The following PRDM5 variants were observed in gnomAD, a reference collection of about 807,000 sequenced individuals.
PRDM5 encodes the protein PR/SET domain 5, also known as PR domain zinc finger protein 5.
A neutral mutation model predicts 81.2 loss-of-function variants in PRDM5; 56 were observed. The ratio of observed to expected loss-of-function variants is 0.69; its 90% CI spans 0.56 to 0.86. PRDM5 has a LOEUF of 0.86. PRDM5 is among the 40% of genes least tolerant of loss of function. The pLI, the probability that PRDM5 is intolerant of heterozygous loss-of-function variation, is 0.00. For missense variants in PRDM5, 697 were observed against 770.1 expected (o/e 0.91, Z 1.12); for synonymous variants, 267 against 256.4 (o/e 1.04, Z -0.39).
chr4:120,685,082 T>G (rs1216893625), intron 1 of PRDM5: 1 of 152,112 alleles, frequency 6.6e-6, no homozygotes, highest in Non-Finnish European at 1.5e-5. Flanking sequence ...TAATTTGTGG[T>G]TTTTGATGTA....
rs1156839029 is a variant in PRDM5 at position 120,732,709 on chromosome 4, AT to A, written c.1623+21843del. On this transcript the variant is annotated intron_variant, in intron 14 of 15. Transcript: ENST00000264808. ...CTCCTGCTCTCTAACCTAACCTGTT[AT>A]TCAGTTTCCCTTTAATTTCATGACC... is the stretch of plus-strand genomic sequence containing the variant. 3.0e-4 allele frequency among the ~76,000 whole-genome samples: 45 copies of A among 152,362 alleles called. No homozygotes were observed. In the East Asian group the frequency reaches 5.6e-3, roughly 19 times the overall value.
chr4:120,707,626 G>T (rs1278752409), intron 15 of PRDM5, among the ~76,000 whole-genome samples: 2 of 151,028 alleles, frequency 1.3e-5, no homozygotes, highest in Admixed American at 1.3e-4. Context: ...ATTTGGCAAT[G>T]AATTCTTAGA....
chr4:120,871,568 T>G (rs981824315), intron 2 of PRDM5, among the ~76,000 whole-genome samples: 3 of 152,200 alleles, frequency 2.0e-5, no homozygotes, highest in Non-Finnish European at 2.9e-5. Context: ...CTAACCAAAA[T>G]GTCCGTATAA....
chr4:120,872,464 C>T (rs1214802252), intron 2 of PRDM5, among the ~76,000 whole-genome samples: 1 of 152,114 alleles, frequency 6.6e-6, no homozygotes, highest in Non-Finnish European at 1.5e-5. Flanking sequence ...AGGACAAATG[C>T]TGTATGATTA....
At chr4:120,847,775 A>G (rs533257871) in intron 3 of PRDM5, among the ~76,000 whole-genome samples, 11 of 152,332 alleles carry the variant, frequency 7.2e-5, no homozygotes, top group African/African-American at 2.6e-4. Context: ...ATACTCTAAT[A>G]AACGTGACTG....
chr4:120,754,522 T>A, intron 14 of PRDM5, 31 bp downstream of exon 14: 5 of 1,426,092 alleles, frequency 3.5e-6, no homozygotes, highest in Non-Finnish European at 4.9e-6. Context: ...GTTTTCATGA[T>A]CAATATTAAT....
chr4:120,734,605 G>C (rs1191576167), intron 14 of PRDM5, among the ~76,000 whole-genome samples: 1 of 152,164 alleles, frequency 6.6e-6, no homozygotes, highest in Non-Finnish European at 1.5e-5. Context: ...CAGAAATGCT[G>C]AAACGCTTCC....
At chr4:120,746,430 A>C (rs201125638) in intron 14 of PRDM5, among the ~76,000 whole-genome samples, 6,074 of 145,734 alleles carry the variant, frequency 0.042, 208 homozygotes, top group Middle Eastern at 0.14. Context: ...AAAATGGACA[A>C]ATGGGATCTA....
At chr4:120,749,421 G>C (rs1743635041) in intron 14 of PRDM5, among the ~76,000 whole-genome samples, 1 of 152,140 alleles carries the variant, frequency 6.6e-6, no homozygotes, top group Admixed American at 6.6e-5. Context: ...AAGATTAGAG[G>C]CAGGGCAGGA....
intron 15 of PRDM5, among the ~76,000 whole-genome samples, 164 bp downstream of exon 15, chr4:120,710,145 T>C (rs762248045): frequency 6.6e-6 from 1 of 152,122 alleles, no homozygotes; most frequent in African/African-American, 2.4e-5. Context: ...ACATGTATTA[T>C]GCAAGAACAA....
At chr4:120,820,395 G>T (rs1755105250) in intron 4 of PRDM5, among the ~76,000 whole-genome samples, 1 of 152,168 alleles carries the variant, frequency 6.6e-6, no homozygotes, top group Non-Finnish European at 1.5e-5. Flanking sequence ...AAAGTATTTT[G>T]TTATAACAGC....
At chr4:120,799,791 T>C (rs1331147226) in intron 8 of PRDM5, 46 bp from the exon 9 acceptor site, 1 of 1,595,272 alleles carries the variant, frequency 6.3e-7, no homozygotes, top group Admixed American at 1.7e-5. Flanking sequence ...CAAAGCCTAG[T>C]AAATTACACA....
intron 15 of PRDM5, among the ~76,000 whole-genome samples, chr4:120,705,344 A>G (rs1030643523): frequency 2.0e-5 from 3 of 152,216 alleles, no homozygotes; most frequent in Non-Finnish European, 2.9e-5. Context: ...TTTGGTGGAT[A>G]TAAGTGCCAT....
At chr4:120,822,538 T>C (rs1755419053) in intron 3 of PRDM5, among the ~76,000 whole-genome samples, 1 of 152,116 alleles carries the variant, frequency 6.6e-6, no homozygotes, top group African/African-American at 2.4e-5. Flanking sequence ...GGAGAGTGTA[T>C]GCATGCATAG....
chr4:120,853,474 GC>G lies in PRDM5; in HGVS notation c.243del (p.Trp81CysfsTer33), dbSNP rs771708843. 3.1e-6 allele frequency: 5 copies of G among 1,613,804 alleles called. No individual in the cohort carries two copies. The highest frequency in any genetic ancestry group is 3.4e-6 in the Non-Finnish European group (4 of 1,179,766). ...LDATNPRHSN[W>X]LRFVHEAPSQ... ...GATGGTGCCTCATGAACGAAGCGAA[GC>G]CAGTTGGAGTGCCGTGGGTTGGTAG... On this transcript the variant is annotated frameshift_variant, in exon 3 of 16. Transcript: ENST00000264808. LOFTEE classifies it high-confidence loss of function.
At chr4:120,906,399 G>A (rs748396046) in intron 2 of PRDM5, among the ~76,000 whole-genome samples, 5 of 152,216 alleles carry the variant, frequency 3.3e-5, no homozygotes, top group African/African-American at 7.2e-5. Flanking sequence ...TAGGAGTACA[G>A]TAGGCTATAC....
chr4:120,909,648 TC>T (rs1766258032), intron 1 of PRDM5, among the ~76,000 whole-genome samples: 1 of 140,260 alleles, frequency 7.1e-6, no homozygotes. Flanking sequence ...ATCTATCAAT[TC>T]AGCAGTGTTC....
intron 12 of PRDM5, among the ~76,000 whole-genome samples, chr4:120,777,620 T>C (rs891232974): frequency 2.0e-5 from 3 of 152,150 alleles, no homozygotes; most frequent in African/African-American, 7.2e-5. Flanking sequence ...CCTTCCCAGC[T>C]GCCAAGAAAC....
chr4:120,759,753 T>C (rs1393764160), intron 13 of PRDM5, among the ~76,000 whole-genome samples: 3 of 152,224 alleles, frequency 2.0e-5, no homozygotes, highest in Non-Finnish European at 4.4e-5. Flanking sequence ...GACTATGTTT[T>C]AATAGCTCAG....
Sources: gnomAD v4.1 joint callset for allele counts (sites outside exome capture counted in the v4.1 genomes callset) on GRCh38, gnomAD v4.1.1 for gene constraint, MANE v1.5 for transcripts, NCBI Gene and HGNC (gene_info 2026-07-23, HGNC 2026-07-21) for gene names.